TCF4: variants seen among roughly 807,000 people sequenced by gnomAD.
TCF4 encodes SL3-3 enhancer factor 2.
TCF4 carries 3 observed loss-of-function variants against 82.1 expected under a neutral mutation model. The ratio of observed to expected loss-of-function variants is 0.04; its 90% CI spans 0.02 to 0.09. TCF4 has a LOEUF of 0.09. Among genes scored for constraint, TCF4 ranks in the 10% least tolerant of loss-of-function variants. The pLI is 1.00. For synonymous variants in TCF4, 276 were observed against 309.6 expected (o/e 0.89, Z 1.14); for missense variants, 518 against 852.7 (o/e 0.61, Z 4.89).
chr18:55,569,423 T>C (rs1476763672), intron 3 of TCF4, among the ~76,000 whole-genome samples: 2 of 152,148 alleles, frequency 1.3e-5, no homozygotes, highest in East Asian at 1.9e-4. Flanking sequence ...CGGGCAACTG[T>C]AGTCCCAGCT....
intron 5 of TCF4, among the ~76,000 whole-genome samples, chr18:55,434,971 A>G (rs1384580676): frequency 6.6e-6 from 1 of 152,090 alleles, no homozygotes; most frequent in Non-Finnish European, 1.5e-5. Context: ...TTTTAAATGT[A>G]CTATTAAATT....
chr18:55,352,839 A>G (rs1447432965), intron 6 of TCF4, among the ~76,000 whole-genome samples: 1 of 152,216 alleles, frequency 6.6e-6, no homozygotes, highest in Admixed American at 6.5e-5. Flanking sequence ...AGAAAGTTAC[A>G]GTGAAGTCTG....
intron 18 of TCF4, 77 bp from the exon 19 acceptor site, chr18:55,228,438 G>A (rs2046953871): frequency 1.9e-6 from 3 of 1,574,746 alleles, no homozygotes; most frequent in Non-Finnish European, 8.7e-7. Flanking sequence ...CTCTTCTTGC[G>A]TGTCTGACCT....
At chr18:55,492,384 C>A (rs1385213269) in intron 3 of TCF4, among the ~76,000 whole-genome samples, 1 of 152,044 alleles carries the variant, frequency 6.6e-6, no homozygotes, top group Non-Finnish European at 1.5e-5. Context: ...CTTTAATTTC[C>A]TAGATTTTCC....
At chr18:55,418,523 T>G (rs923654570) in intron 5 of TCF4, among the ~76,000 whole-genome samples, 2 of 152,204 alleles carry the variant, frequency 1.3e-5, no homozygotes, top group Non-Finnish European at 2.9e-5. Context: ...TTATGACTCC[T>G]TATATTTCAT....
chr18:55,504,933 G>A (rs2096737380), intron 3 of TCF4, among the ~76,000 whole-genome samples: 1 of 152,106 alleles, frequency 6.6e-6, no homozygotes, highest in African/African-American at 2.4e-5. Flanking sequence ...AAAACAACAT[G>A]CTAATCCTAA....
intron 5 of TCF4, among the ~76,000 whole-genome samples, chr18:55,459,898 T>C (rs560784934): frequency 2.2e-4 from 33 of 152,274 alleles, no homozygotes; most frequent in African/African-American, 7.5e-4. Context: ...GGCACGAACA[T>C]ATGATGTTAC....
chr18:55,455,907 T>C lies in TCF4; in HGVS notation c.304+5112A>G, dbSNP rs143693110. Among the ~76,000 whole-genome samples the C allele has an allele frequency of 1.4e-3, 213 of 152,372 alleles. 1 individual carries two copies. Among genetic ancestry groups the C allele is most frequent in the Middle Eastern group, 3.4e-3 (1 of 294 alleles). ...CAAAAACACTTTTCCTAGTAAAAGC[T>C]GATTCATTGGTTATTCTCTGTTTTA... On this transcript the variant is annotated intron_variant, in intron 5 of 19. Coordinates refer to ENST00000354452, the MANE Select transcript of TCF4 (RefSeq NM_001083962.2).
intron 8 of TCF4, among the ~76,000 whole-genome samples, chr18:55,286,279 T>C (rs900474194): frequency 1.3e-5 from 2 of 152,024 alleles, no homozygotes; most frequent in African/African-American, 4.8e-5. Context: ...TTGTTTTTAG[T>C]ACTATTTGTC....
At chr18:55,304,068 A>G (rs1268833772) in intron 8 of TCF4, among the ~76,000 whole-genome samples, 3 of 152,186 alleles carry the variant, frequency 2.0e-5, no homozygotes, top group Admixed American at 6.5e-5. Context: ...AGGAAAGGAT[A>G]TTAGCATAAA....
chr18:55,635,410 G>A (rs942581452), intron 1 of TCF4, among the ~76,000 whole-genome samples: 7 of 151,902 alleles, frequency 4.6e-5, no homozygotes, highest in Non-Finnish European at 8.8e-5. Flanking sequence ...TTGGGAGGCT[G>A]AGGCATGAGA....
At chr18:55,505,180 A>G (rs1390852771) in intron 3 of TCF4, among the ~76,000 whole-genome samples, 1 of 152,204 alleles carries the variant, frequency 6.6e-6, no homozygotes, top group Non-Finnish European at 1.5e-5. Context: ...TACTTAGTCA[A>G]TCCAAATAAT....
At chr18:55,540,274 A>T (rs1001552335) in intron 3 of TCF4, among the ~76,000 whole-genome samples, 2 of 152,106 alleles carry the variant, frequency 1.3e-5, no homozygotes, top group East Asian at 3.8e-4. Flanking sequence ...TATCACAGGA[A>T]ATCTGCAGAA....
intron 1 of TCF4, among the ~76,000 whole-genome samples, chr18:55,632,002 G>A (rs2097731996): frequency 1.3e-5 from 2 of 151,952 alleles, no homozygotes; most frequent in South Asian, 4.2e-4. Context: ...CCCTCTTTTT[G>A]CCCTGATTAA....
chr18:55,585,825 C>A, intron 2 of TCF4: 1 of 1,133,034 alleles, frequency 8.8e-7, no homozygotes, highest in Non-Finnish European at 1.1e-6. Context: ...ACTAAATTCT[C>A]ATTTCGTCTC....
At chr18:55,467,707 C>T (rs1384434623) in intron 3 of TCF4, among the ~76,000 whole-genome samples, 1 of 152,188 alleles carries the variant, frequency 6.6e-6, no homozygotes, top group African/African-American at 2.4e-5. Flanking sequence ...ACAGGGCCTA[C>T]ACCTGGCCAT....
At chr18:55,614,448 A>G (rs560039445) in intron 2 of TCF4, among the ~76,000 whole-genome samples, 1 of 151,988 alleles carries the variant, frequency 6.6e-6, no homozygotes, top group Admixed American at 6.6e-5. Context: ...GATATGGATG[A>G]TCATTTTAAT....
chr18:55,597,967 A>C (rs1042850269), intron 2 of TCF4, among the ~76,000 whole-genome samples: 1 of 152,234 alleles, frequency 6.6e-6, no homozygotes, highest in Non-Finnish European at 1.5e-5. Context: ...AGCACTATGC[A>C]AGGGGCAATG....
chr18:55,354,840 A>G (rs2083104312), intron 6 of TCF4, among the ~76,000 whole-genome samples: 1 of 152,178 alleles, frequency 6.6e-6, no homozygotes, highest in African/African-American at 2.4e-5. Flanking sequence ...AAAAAGAAGT[A>G]GGAGAAAGAA....
Sources: allele counts gnomAD v4.1 joint callset (sites outside exome capture counted in the v4.1 genomes callset), GRCh38; gene constraint gnomAD v4.1.1; transcripts MANE v1.5; gene names NCBI Gene and HGNC (gene_info 2026-07-23, HGNC 2026-07-21).